The following SETD2 variants were observed in gnomAD, a reference collection of about 807,000 sequenced individuals.
SETD2 encodes SET domain containing 2, histone lysine methyltransferase, also known as histone-lysine N-methyltransferase SETD2.
Under a neutral mutation model 242.1 loss-of-function variants are expected in SETD2, and 31 were observed. The observed-to-expected ratio is 0.13, with a 90% confidence interval of 0.10 to 0.17. SETD2 has a LOEUF of 0.17. SETD2 is among the 10% of genes least tolerant of loss of function. The pLI is 1.00. For synonymous variants in SETD2, 1,006 were observed against 1,066.5 expected (o/e 0.94, Z 1.11); for missense variants, 2,481 against 3,046.3 (o/e 0.81, Z 4.37).
chr3:47,139,578 A>G (rs1340234497), intron 1 of SETD2, among the ~76,000 whole-genome samples: 1 of 152,192 alleles, frequency 6.6e-6, no homozygotes, highest in Non-Finnish European at 1.5e-5. Flanking sequence ...TAACAACAGT[A>G]CTAGTTTTTA....
At chr3:47,032,861 G>C (rs1008297031) in intron 18 of SETD2, among the ~76,000 whole-genome samples, 1 of 151,266 alleles carries the variant, frequency 6.6e-6, no homozygotes, top group African/African-American at 2.4e-5. Flanking sequence ...GCAATGAGCC[G>C]AGATCGCACC....
chr3:47,049,732 TTTATA>T (rs1227462462), intron 15 of SETD2, among the ~76,000 whole-genome samples: 2 of 146,798 alleles, frequency 1.4e-5, no homozygotes, highest in African/African-American at 4.9e-5. Flanking sequence ...TTATTCTGAG[TTTATA>T]TTATATATTA....
At chr3:47,108,009 T>C (rs746098479) in intron 5 of SETD2, among the ~76,000 whole-genome samples, 60 of 152,118 alleles carry the variant, frequency 3.9e-4, no homozygotes, top group Non-Finnish European at 7.8e-4. Flanking sequence ...CTGGGCACAG[T>C]GGCTCAAGTC....
intron 1 of SETD2, among the ~76,000 whole-genome samples, chr3:47,145,232 A>G (rs1273819602): frequency 6.6e-6 from 1 of 152,158 alleles, no homozygotes; most frequent in African/African-American, 2.4e-5. Flanking sequence ...ATATCTGCAT[A>G]TACACGAGAT....
intron 17 of SETD2, among the ~76,000 whole-genome samples, chr3:47,041,613 G>T (rs961184328): frequency 2.0e-5 from 3 of 152,046 alleles, no homozygotes; most frequent in Admixed American, 1.3e-4. Context: ...ATTTACGTAA[G>T]ATTATATAGA....
At chr3:47,105,440 GTCA>G (rs2042374480) in intron 6 of SETD2, among the ~76,000 whole-genome samples, 1 of 149,532 alleles carries the variant, frequency 6.7e-6, no homozygotes, top group Non-Finnish European at 1.5e-5. Flanking sequence ...CACTCTGGGG[GTCA>G]TCAATAATTT....
chr3:47,053,184 G>A (rs915141779), intron 15 of SETD2, among the ~76,000 whole-genome samples: 2 of 152,000 alleles, frequency 1.3e-5, no homozygotes, highest in Admixed American at 6.6e-5. Context: ...CACCATGCCC[G>A]GCCTAAAATG....
rs115323681 is a variant in SETD2, at chr3:47,121,196, T to C, written c.3440A>G (p.Gln1147Arg). ...TEKNPEISFT[Q>R]SSRKQIDNRL... The stretch of plus-strand genomic sequence containing the variant: ...ATTATCTATTTGTTTTCTACTGGAC[T>C]GTGTAAAAGAAATTTCCGGATTCTT... Residue 1147 changes from glutamine to arginine, a missense_variant, in exon 3 of 21, where the codon CAG (glutamine) becomes CGG (arginine). Physicochemically the swap from Gln to Arg is conservative, Grantham distance 43. This residue lies in a region of SETD2 where 1,300 missense variants were observed against 1,259.2 expected (regional missense o/e 1.03). Coordinates refer to ENST00000409792, the MANE Select transcript of SETD2 (RefSeq NM_014159.7). 3 of 1,614,094 alleles carry C rather than the reference T, an allele frequency of 1.9e-6. No individual in the cohort carries two copies. The highest frequency in any genetic ancestry group is 2.2e-5 in the East Asian group (1 of 44,886).
chr3:47,062,371 GTTTTT>G, intron 13 of SETD2, 25 bp from the exon 14 acceptor site: 2 of 1,366,264 alleles, frequency 1.5e-6, no homozygotes, highest in Non-Finnish European at 2.0e-6. Context: ...TGGTTTGTTT[GTTTTT>G]TTTTTTTTTA....
At chr3:47,023,252 TAGTC>T (rs1417404918) in intron 18 of SETD2, among the ~76,000 whole-genome samples, 1 of 151,694 alleles carries the variant, frequency 6.6e-6, no homozygotes, top group Non-Finnish European at 1.5e-5. Flanking sequence ...ATACAAAAAT[TAGTC>T]AGGCGCGGCG....
rs2106724891 is a variant in SETD2, at chr3:47,124,304, T to A, written c.332A>T (p.Asp111Val). The change falls in exon 3 of 21, where the codon GAC becomes GTC. Residue 111 changes from aspartate to valine, a missense_variant. Transcript: ENST00000409792. The part of the protein sequence containing the change: ...PNPPAVPLQV[D>V]STPKMKMEIG... ...TTCCATTTTCATTTTAGGAGTCGAG[T>A]CTACCTGAAGAGGTACAGCTGGAGG... 1.3e-6 allele frequency: 2 copies of A among 1,551,762 alleles called. No homozygotes were observed. The highest frequency in any genetic ancestry group is 1.7e-6 in the Non-Finnish European group (2 of 1,146,998).
chr3:47,048,382 C>T (rs972438730), intron 15 of SETD2, among the ~76,000 whole-genome samples: 4 of 151,940 alleles, frequency 2.6e-5, no homozygotes. Flanking sequence ...GAGCGAGATG[C>T]CGTCTCAAAA....
intron 2 of SETD2, among the ~76,000 whole-genome samples, chr3:47,124,754 T>A (rs999559626): frequency 3.9e-5 from 6 of 152,194 alleles, no homozygotes; most frequent in Admixed American, 3.9e-4. Flanking sequence ...TCCCTAAGTA[T>A]CCACTCCAAG....
chr3:47,075,090 C>T (rs1480749063), intron 12 of SETD2, among the ~76,000 whole-genome samples: 35 of 148,218 alleles, frequency 2.4e-4, no homozygotes, highest in African/African-American at 8.7e-4. Flanking sequence ...GCCGAGATTG[C>T]GCCACTGCAC....
intron 12 of SETD2, among the ~76,000 whole-genome samples, chr3:47,083,028 T>G (rs1362016934): frequency 6.6e-6 from 1 of 152,200 alleles, no homozygotes; most frequent in Non-Finnish European, 1.5e-5. Context: ...ACAAATGAAA[T>G]GTACCACACC....
At chr3:47,159,452 C>A (rs1414356169) in intron 1 of SETD2, among the ~76,000 whole-genome samples, 3 of 152,168 alleles carry the variant, frequency 2.0e-5, no homozygotes, top group African/African-American at 7.2e-5. Flanking sequence ...CATATTAGTT[C>A]CATCTTCAAA....
intron 9 of SETD2, among the ~76,000 whole-genome samples, chr3:47,093,394 T>C (rs7623888): frequency 0.65 from 98,639 of 151,088 alleles, 32,617 homozygotes; most frequent in African/African-American, 0.76. Flanking sequence ...AGCAATTCTC[T>C]TGCCTCAGCC....
At chr3:47,125,968 T>C (rs1322606463) in intron 2 of SETD2, among the ~76,000 whole-genome samples, 1 of 152,264 alleles carries the variant, frequency 6.6e-6, no homozygotes, top group Non-Finnish European at 1.5e-5. Flanking sequence ...CAAAATTACA[T>C]AGTAGTCATT....
intron 2 of SETD2, among the ~76,000 whole-genome samples, chr3:47,125,070 G>C (rs1231669617): frequency 6.6e-6 from 1 of 152,106 alleles, no homozygotes; most frequent in Non-Finnish European, 1.5e-5. Context: ...TGTAATCCCA[G>C]CACCTTGGGA....
Sources: allele counts gnomAD v4.1 joint callset (sites outside exome capture counted in the v4.1 genomes callset), GRCh38; gene constraint gnomAD v4.1.1; regional missense constraint gnomAD v4.1.1; transcripts MANE v1.5; gene names NCBI Gene and HGNC (gene_info 2026-07-23, HGNC 2026-07-21).